Variants in CARD8 observed in about 807,000 individuals in gnomAD.
CARD8 encodes the protein caspase recruitment domain-containing protein 8.
CARD8 carries 38 observed loss-of-function variants against 53.2 expected under a neutral mutation model. The ratio of observed to expected loss-of-function variants is 0.71; its 90% CI spans 0.55 to 0.94. The LOEUF (loss-of-function observed/expected upper bound fraction) is 0.94. Among genes scored for constraint, CARD8 ranks in the 40% least tolerant of loss-of-function variants. CARD8 has a pLI of 0.00. For missense variants in CARD8, 561 were observed against 655.5 expected (o/e 0.86, Z 1.57); for synonymous variants, 245 against 244.9 (o/e 1.00, Z 0.00).
Position 48,240,989 on chromosome 19 carries a change from C to T in CARD8, c.32G>A (p.Ser11Asn), listed in dbSNP as rs914610318. The T allele has an allele frequency of 6.5e-7, 1 of 1,536,128 alleles. No homozygotes were observed. Among genetic ancestry groups the T allele is most frequent in the South Asian group, 1.2e-5 (1 of 84,054 alleles). MEKKECPEKS[S>N]SSEEELPRRD... ...TCTCGGCAGCTCTTCCTCACTGCTGCTACTCTTTTCTGGACACTCCTTTTT... is the reference window on the plus strand; with the variant it reads ...TCTCGGCAGCTCTTCCTCACTGCTGTTACTCTTTTCTGGACACTCCTTTTT... The change falls in exon 4 of 14, where the codon AGC (serine) becomes AAC (asparagine). Residue 11 changes from serine to asparagine, a missense_variant. Transcript: ENST00000651546.
intron 1 of CARD8, among the ~76,000 whole-genome samples, chr19:48,255,273 C>T (rs1476137180): frequency 6.6e-6 from 1 of 151,890 alleles, no homozygotes; most frequent in East Asian, 1.9e-4. Context: ...GACTGAGGCA[C>T]GAGAATCGCT....
rs2037877342 is a variant in CARD8 at position 48,211,009 on chromosome 19, G to A, written c.*701C>T. ...CCCTCATTTTCTTTTTGGTGGTTCT[G>A]TGGAGTTGATTTACCACATTTCATC... On this transcript the variant is annotated 3_prime_UTR_variant, in exon 14 of 14. Transcript: ENST00000651546. The A allele has an allele frequency of 6.6e-6, 1 of 152,278 alleles. No homozygotes were observed. The highest frequency in any genetic ancestry group is 2.1e-4 in the South Asian group (1 of 4,834). 9.4% of individuals were successfully genotyped at this position (152,278 alleles called of 1,614,324 possible). A position where few individuals can be genotyped will look rare whatever the true frequency, so the allele number is the denominator to read the frequency against.
chr19:48,218,351 T>C (rs931282371), intron 12 of CARD8, among the ~76,000 whole-genome samples: 2 of 120,274 alleles, frequency 1.7e-5, no homozygotes, highest in African/African-American at 6.0e-5. Context: ...ATTTATCTTC[T>C]TCTTTTTTTT....
At chr19:48,214,646 C>T (rs146120788) in intron 13 of CARD8, among the ~76,000 whole-genome samples, 1,735 of 152,142 alleles carry the variant, frequency 0.011, 38 homozygotes, top group African/African-American at 0.038. Context: ...TGCAAGACCC[C>T]GGAAGTGTGC....
chr19:48,212,009 T>A, intron 13 of CARD8, 34 bp from the exon 14 acceptor site: 1 of 1,600,782 alleles, frequency 6.2e-7, no homozygotes, highest in East Asian at 2.2e-5. Flanking sequence ...ACTTTGAGAA[T>A]CGTTCACTTA....
At chr19:48,245,438 T>G (rs1600678988) in intron 3 of CARD8, among the ~76,000 whole-genome samples, 1 of 152,128 alleles carries the variant, frequency 6.6e-6, no homozygotes, top group African/African-American at 2.4e-5. Context: ...GTCTCAAACT[T>G]CTGACCTCAG....
At chr19:48,222,834 A>G (rs1050777231) in intron 10 of CARD8, among the ~76,000 whole-genome samples, 5 of 152,190 alleles carry the variant, frequency 3.3e-5, no homozygotes, top group Admixed American at 3.3e-4. Flanking sequence ...GCTAAAAACA[A>G]TGACTGTCAG....
At chr19:48,227,219 A>G (rs2041963513) in intron 10 of CARD8, among the ~76,000 whole-genome samples, 1 of 152,202 alleles carries the variant, frequency 6.6e-6, no homozygotes, top group Non-Finnish European at 1.5e-5. Flanking sequence ...AATCGCTTAA[A>G]GGGAGAAAGT....
chr19:48,220,694 A>C (rs1164451276), intron 11 of CARD8, among the ~76,000 whole-genome samples: 1 of 151,976 alleles, frequency 6.6e-6, no homozygotes, highest in Non-Finnish European at 1.5e-5. Context: ...TGGGCAGATC[A>C]CGAGGTCAGG....
chr19:48,228,450 G>A (rs1458108453), intron 10 of CARD8, among the ~76,000 whole-genome samples: 1 of 151,808 alleles, frequency 6.6e-6, no homozygotes, highest in Non-Finnish European at 1.5e-5. Flanking sequence ...GCATTCCACT[G>A]AGACCCCAGG....
Position 48,211,768 on chromosome 19 carries a change from C to A in CARD8, c.1556G>T (p.Arg519Ile), listed in dbSNP as rs549570428. The change falls in exon 14 of 14, where the codon AGA becomes ATA. Residue 519 changes from arginine to isoleucine, a missense_variant. Transcript: ENST00000651546. ...GTAAGGGTCCCTTTCACTAATGCTTCTGAAGAGCACGTCCAGGGCCAGGTC... is the reference window on the plus strand; with the variant it reads ...GTAAGGGTCCCTTTCACTAATGCTTATGAAGAGCACGTCCAGGGCCAGGTC... ...KGDLALDVLF[R>I]SISERDPYLV... 20 of 1,614,198 alleles carry A rather than the reference C, an allele frequency of 1.2e-5. No homozygotes were observed. In the East Asian group the frequency reaches 4.5e-4, roughly 36 times the overall value.
downstream of CARD8, among the ~76,000 whole-genome samples, chr19:48,207,558 C>T (rs2037405075): frequency 6.6e-6 from 1 of 151,892 alleles, no homozygotes; most frequent in Non-Finnish European, 1.5e-5. Flanking sequence ...TTGTCCATTG[C>T]GATTTACAAA....
At chr19:48,241,087 AT>A in intron 3 of CARD8, 24 bp from the exon 4 acceptor site, 1 of 1,289,074 alleles carries the variant, frequency 7.8e-7, no homozygotes, top group African/African-American at 1.5e-5. Flanking sequence ...AGGAGGTTGT[AT>A]TTAGGTACTT....
chr19:48,230,528 G>A lies in CARD8; in HGVS notation c.945C>T (p.Ile315=), dbSNP rs889375455. The A allele has an allele frequency of 1.2e-6, 2 of 1,614,220 alleles. No homozygotes were observed. Among genetic ancestry groups the A allele is most frequent in the Non-Finnish European group, 1.7e-6 (2 of 1,180,024 alleles). ...GATAATAGATCAATGTGTTGGAAGT[G>A]ATGGGGATGGAGAGGCGAGTCCCAC... ...IASGTRLSIP[I]TSNTLIYYHP... is the part of the protein sequence containing the mutation. The change falls in exon 10 of 14, where the codon ATC becomes ATT. Residue 315 remains isoleucine, a synonymous_variant. Coordinates refer to ENST00000651546, the MANE Select transcript of CARD8 (RefSeq NM_001184900.3).
intron 1 of CARD8, 193 bp downstream of exon 1, chr19:48,255,599 C>G (rs1345831983): frequency 6.6e-6 from 1 of 152,066 alleles, no homozygotes; most frequent in Non-Finnish European, 1.5e-5. Flanking sequence ...GACAGGATGC[C>G]GAGCTTCCAG....
chr19:48,247,303 G>A (rs1382955972), intron 3 of CARD8, among the ~76,000 whole-genome samples: 4 of 152,090 alleles, frequency 2.6e-5, no homozygotes, highest in Non-Finnish European at 5.9e-5. Flanking sequence ...CAGCCTGGGT[G>A]ACACAGCAAG....
intron 3 of CARD8, among the ~76,000 whole-genome samples, chr19:48,249,196 CAAA>C (rs780589520): frequency 2.0e-5 from 2 of 101,116 alleles, no homozygotes; most frequent in African/African-American, 3.7e-5. Context: ...GACTCCGTCT[CAAA>C]AAAAAAAAAA....
chr19:48,222,019 C>T (rs754534514), intron 10 of CARD8, among the ~76,000 whole-genome samples, 164 bp from the exon 11 acceptor site: 4 of 152,056 alleles, frequency 2.6e-5, no homozygotes, highest in Admixed American at 1.3e-4. Flanking sequence ...TAGGTAGATA[C>T]ACAGATATGA....
intron 3 of CARD8, among the ~76,000 whole-genome samples, chr19:48,245,431 T>G (rs1245733093): frequency 6.6e-6 from 1 of 152,150 alleles, no homozygotes; most frequent in African/African-American, 2.4e-5. Context: ...TAGGCTGGTC[T>G]CAAACTTCTG....
Sources: allele counts gnomAD v4.1 joint callset (sites outside exome capture counted in the v4.1 genomes callset), GRCh38; gene constraint gnomAD v4.1.1; transcripts MANE v1.5; gene names NCBI Gene and HGNC (gene_info 2026-07-23, HGNC 2026-07-21).